Variants in RPS6KA2 observed in about 807,000 individuals in gnomAD.
RPS6KA2 encodes the protein ribosomal protein S6 kinase alpha-2.
RPS6KA2 carries 42 observed loss-of-function variants against 91.8 expected under a neutral mutation model. The observed-to-expected ratio is 0.46, with a 90% confidence interval of 0.36 to 0.59. RPS6KA2 has a LOEUF of 0.59. RPS6KA2 is among the 20% of genes least tolerant of loss of function. The probability of loss-of-function intolerance (pLI) is 0.00; values close to 1 mark genes in which losing one functional copy is unlikely to be tolerated. For synonymous variants in RPS6KA2, 414 were observed against 393.6 expected (o/e 1.05, Z -0.61); for missense variants, 798 against 978.5 (o/e 0.82, Z 2.46).
intron 2 of RPS6KA2, among the ~76,000 whole-genome samples, chr6:166,632,708 A>G (rs566474183): frequency 1.5e-4 from 23 of 152,362 alleles, no homozygotes; most frequent in African/African-American, 5.5e-4. Flanking sequence ...ATCAACAGCA[A>G]CAACACAGAG....
intron 1 of RPS6KA2, among the ~76,000 whole-genome samples, chr6:166,562,775 A>G (rs1004840274): frequency 2.0e-5 from 3 of 152,218 alleles, no homozygotes; most frequent in African/African-American, 7.2e-5. Flanking sequence ...ACACCAAGTT[A>G]ATCCAAGATG....
At position 166,829,460 on chromosome 6, in the gene RPS6KA2, G is replaced by A. The variant is rs554652157; in HGVS notation, c.123+28740C>T. On this transcript the variant is annotated intron_variant, in intron 2 of 21. Transcript: ENST00000503859. ...CAAAAAATTAGCCGGGTATGGTGGC[G>A]GGCGCCCGTAGTCCCAGCTACTCCA... Among the ~76,000 whole-genome samples the A allele has an allele frequency of 3.4e-3, 517 of 151,864 alleles. 5 individuals carry two copies. Among genetic ancestry groups the A allele is most frequent in the African/African-American group, 0.012 (485 of 41,358 alleles).
At chr6:166,591,462 T>C (rs1159861179) in intron 1 of RPS6KA2, among the ~76,000 whole-genome samples, 1 of 152,144 alleles carries the variant, frequency 6.6e-6, no homozygotes, top group African/African-American at 2.4e-5. Context: ...GCAAATGTGA[T>C]TAGTTAAAAC....
intron 2 of RPS6KA2, among the ~76,000 whole-genome samples, chr6:166,741,120 G>T (rs1790799783): frequency 6.6e-6 from 1 of 152,226 alleles, no homozygotes; most frequent in Admixed American, 6.5e-5. Context: ...AGAAAAGATG[G>T]CTTGCAGAAA....
intron 2 of RPS6KA2, among the ~76,000 whole-genome samples, chr6:166,534,192 G>A (rs1248076638): frequency 1.9e-4 from 27 of 142,196 alleles, no homozygotes; most frequent in Middle Eastern, 7.4e-3. Flanking sequence ...ACTGCAGTCC[G>A]GCCTGGGCGA....
chr6:166,463,691 G>A (rs1780414278), intron 11 of RPS6KA2, among the ~76,000 whole-genome samples: 1 of 152,212 alleles, frequency 6.6e-6, no homozygotes, highest in African/African-American at 2.4e-5. Flanking sequence ...CCTAACATCT[G>A]CCTTCTGTAG....
intron 10 of RPS6KA2, chr6:166,475,789 A>G (rs749502816): frequency 1.7e-5 from 9 of 533,000 alleles, no homozygotes; most frequent in Non-Finnish European, 3.1e-5. Context: ...TAGACTCAGA[A>G]GCCTAGGAGC....
chr6:166,857,619 C>G (rs1033436023), intron 2 of RPS6KA2, among the ~76,000 whole-genome samples: 5 of 152,242 alleles, frequency 3.3e-5, no homozygotes, highest in Admixed American at 1.3e-4. Flanking sequence ...AAATGCACAG[C>G]CTGCAGCAGC....
chr6:166,815,884 AC>A (rs1322993305), intron 2 of RPS6KA2, among the ~76,000 whole-genome samples: 10 of 152,214 alleles, frequency 6.6e-5, no homozygotes, highest in Non-Finnish European at 1.5e-5. Flanking sequence ...AATTCATTCT[AC>A]AAAAATAAAA....
rs1157308892 is a variant in RPS6KA2, at chr6:166,486,240, CCACACACAGCTGTGAGCA to C, written c.907+2575_907+2592del. ...AGTAGGTTCCTCTAAGCCATGAACC[CCACACACAGCTGTGAGCA>C]CACACACACACATGTGCACGCACAC... On this transcript the variant is annotated intron_variant, in intron 10 of 20. Coordinates refer to ENST00000265678, the MANE Select transcript of RPS6KA2 (RefSeq NM_021135.6). Among the ~76,000 whole-genome samples the C allele has an allele frequency of 4.2e-3, 260 of 62,512 alleles. 2 individuals are homozygous for C. The East Asian group carries it at 0.062, about 15-fold the overall frequency. The allele number at this position is 62,512 out of a possible 152,430, so 41.0% of individuals were successfully genotyped here. A position where few individuals can be genotyped will look rare whatever the true frequency, so the allele number is the denominator to read the frequency against.
rs189469327 is a variant in RPS6KA2, at chr6:166,698,758, G to A, written c.123+159442C>T. 4.6e-3 allele frequency among the ~76,000 whole-genome samples: 698 copies of A among 152,354 alleles called. 12 individuals are homozygous for A. The highest frequency in any genetic ancestry group is 7.3e-3 in the Non-Finnish European group (495 of 68,038). ...GGCTGGTGGATGAGGTGGCGAACTC[G>A]TCAGCGGACGGGAGGTTCTGATAGG... On this transcript the variant is annotated intron_variant, in intron 2 of 21. Coordinates refer to the RPS6KA2 transcript ENST00000503859.
chr6:166,686,751 G>A (rs1370329286), intron 2 of RPS6KA2, among the ~76,000 whole-genome samples: 1 of 152,154 alleles, frequency 6.6e-6, no homozygotes, highest in Non-Finnish European at 1.5e-5. Context: ...GCTATGTTTT[G>A]AGGACCTGTT....
At chr6:166,835,682 G>A (rs1562463880) in intron 2 of RPS6KA2, among the ~76,000 whole-genome samples, 1 of 152,184 alleles carries the variant, frequency 6.6e-6, no homozygotes. Flanking sequence ...TAGTAATGTT[G>A]TATGAAAATA....
chr6:166,450,334 G>A (rs1436301151), intron 13 of RPS6KA2, among the ~76,000 whole-genome samples: 1 of 149,470 alleles, frequency 6.7e-6, no homozygotes, highest in Non-Finnish European at 1.5e-5. Context: ...GACCACCACA[G>A]GGACCACCAT....
intron 1 of RPS6KA2, among the ~76,000 whole-genome samples, chr6:166,578,728 G>A (rs1449120737): frequency 2.0e-5 from 3 of 152,200 alleles, no homozygotes; most frequent in African/African-American, 7.2e-5. Context: ...GAGTCACCGT[G>A]CCAGGATCAC....
At chr6:166,457,299 A>G (rs979917869) in intron 12 of RPS6KA2, among the ~76,000 whole-genome samples, 1 of 152,250 alleles carries the variant, frequency 6.6e-6, no homozygotes, top group Non-Finnish European at 1.5e-5. Flanking sequence ...GGGCAGGGGC[A>G]GGAGGGAATC....
At chr6:166,684,947 G>C (rs932356) in intron 2 of RPS6KA2, among the ~76,000 whole-genome samples, 24,026 of 152,236 alleles carry the variant, frequency 0.16, 2,079 homozygotes, top group East Asian at 0.27. Context: ...GCTAAAAGAG[G>C]CTATCCTTAC....
chr6:166,631,838 G>A (rs1304250793), upstream of RPS6KA2, among the ~76,000 whole-genome samples: 1 of 152,252 alleles, frequency 6.6e-6, no homozygotes, highest in East Asian at 1.9e-4. Flanking sequence ...AGACCAGAGA[G>A]AGGCTGCGCG....
chr6:166,444,389 G>T (rs1779611715), intron 14 of RPS6KA2, among the ~76,000 whole-genome samples: 1 of 152,168 alleles, frequency 6.6e-6, no homozygotes, highest in African/African-American at 2.4e-5. Context: ...GTCTCCCTGG[G>T]TTGGTTATAA....
Sources: gnomAD v4.1 joint callset for allele counts (sites outside exome capture counted in the v4.1 genomes callset) on GRCh38, gnomAD v4.1.1 for gene constraint, MANE v1.5 for transcripts, NCBI Gene and HGNC (gene_info 2026-07-23, HGNC 2026-07-21) for gene names.